MALRD1: variants seen among roughly 807,000 people sequenced by gnomAD.
MALRD1 encodes MAM and LDL-receptor class A domain-containing protein 1.
A neutral mutation model predicts 242.1 loss-of-function variants in MALRD1; 247 were observed. The observed-to-expected ratio is 1.02, with a 90% confidence interval of 0.92 to 1.13. The LOEUF (loss-of-function observed/expected upper bound fraction) is 1.13. Ranked by LOEUF, MALRD1 falls within the 50% of genes most tolerant of loss-of-function variation. MALRD1 has a pLI of 0.00. For synonymous variants in MALRD1, 995 were observed against 866.6 expected (o/e 1.15, Z -2.60); for missense variants, 2,989 against 2,533.1 (o/e 1.18, Z -3.86).
chr10:19,204,228 T>G, intron 15 of MALRD1, 80 bp from the exon 16 acceptor site: 1 of 885,424 alleles, frequency 1.1e-6, no homozygotes, highest in Non-Finnish European at 1.7e-6. Context: ...TCTTGCTCAG[T>G]GTAGGGTTAA....
intron 31 of MALRD1, among the ~76,000 whole-genome samples, chr10:19,523,574 T>C (rs191467970): frequency 6.6e-6 from 1 of 152,334 alleles, no homozygotes; most frequent in East Asian, 1.9e-4. Flanking sequence ...CAAAGGCATC[T>C]TGACAAATAA....
At chr10:19,283,382 A>C (rs1044255703) in intron 21 of MALRD1, among the ~76,000 whole-genome samples, 2 of 152,212 alleles carry the variant, frequency 1.3e-5, no homozygotes, top group Admixed American at 6.5e-5. Context: ...ATTTCATAGA[A>C]ACCGGAGAAG....
chr10:19,164,797 C>G (rs1293246520), intron 12 of MALRD1, among the ~76,000 whole-genome samples: 1 of 152,078 alleles, frequency 6.6e-6, no homozygotes, highest in African/African-American at 2.4e-5. Flanking sequence ...TCTCTATTCT[C>G]TTCACTATGT....
chr10:19,056,808 G>A (rs1410801787), intron 1 of MALRD1, among the ~76,000 whole-genome samples: 1 of 152,082 alleles, frequency 6.6e-6, no homozygotes, highest in Non-Finnish European at 1.5e-5. Flanking sequence ...TAAGTATGAT[G>A]TTTGCTCCCT....
intron 21 of MALRD1, among the ~76,000 whole-genome samples, chr10:19,289,598 A>G (rs964345843): frequency 6.6e-6 from 1 of 152,092 alleles, no homozygotes; most frequent in African/African-American, 2.4e-5. Flanking sequence ...TTTTCTCTCT[A>G]GGCTCATTCC....
intron 4 of MALRD1, among the ~76,000 whole-genome samples, chr10:19,094,792 CTAAAG>C (rs1253523421): frequency 6.6e-6 from 1 of 152,172 alleles, no homozygotes; most frequent in Non-Finnish European, 1.5e-5. Flanking sequence ...TCTTTATTTT[CTAAAG>C]TAATTTAGAG....
chr10:19,585,768 C>G lies in MALRD1; in HGVS notation c.5681-9426C>G, dbSNP rs926204647. Among the ~76,000 whole-genome samples the G allele has an allele frequency of 4.2e-3, 642 of 152,064 alleles. 3 individuals carry two copies. Among genetic ancestry groups the G allele is most frequent in the African/African-American group, 0.014 (598 of 41,474 alleles). On this transcript the variant is annotated intron_variant, in intron 33 of 39. Transcript: ENST00000454679. ...TCTGTATTTCCTGAATCTGAATGTT[C>G]GCCTGCCTTGCTAGATTGGGGAAGT...
intron 2 of MALRD1, among the ~76,000 whole-genome samples, chr10:19,075,141 C>G (rs990455993): frequency 6.6e-6 from 1 of 152,024 alleles, no homozygotes; most frequent in African/African-American, 2.4e-5. Context: ...CTACTTTAGG[C>G]TTTACAGATT....
chr10:19,534,864 T>C (rs1393514304), intron 32 of MALRD1, among the ~76,000 whole-genome samples: 1 of 112,712 alleles, frequency 8.9e-6, no homozygotes, highest in Non-Finnish European at 1.8e-5. Flanking sequence ...ATTTTATTTA[T>C]AAAGTTTTTG....
intron 14 of MALRD1, among the ~76,000 whole-genome samples, chr10:19,186,919 A>G (rs1835760493): frequency 1.3e-5 from 2 of 152,124 alleles, no homozygotes; most frequent in South Asian, 2.1e-4. Flanking sequence ...TTCCCCACCT[A>G]ACACTAAGTG....
At chr10:19,552,719 A>G (rs1236413770) in intron 32 of MALRD1, among the ~76,000 whole-genome samples, 2 of 87,786 alleles carry the variant, frequency 2.3e-5, no homozygotes, top group Non-Finnish European at 5.9e-5. Context: ...TTTCAAAAGA[A>G]AAAAATTATT....
intron 18 of MALRD1, among the ~76,000 whole-genome samples, chr10:19,244,446 C>T (rs1013805436): frequency 6.6e-6 from 1 of 151,962 alleles, no homozygotes; most frequent in African/African-American, 2.4e-5. Flanking sequence ...TGGCACATGC[C>T]TGTGGTCCCA....
At chr10:19,207,999 A>G (rs778163028) in intron 17 of MALRD1, among the ~76,000 whole-genome samples, 23 of 152,148 alleles carry the variant, frequency 1.5e-4, no homozygotes, top group Non-Finnish European at 3.1e-4. Context: ...ACTATTTGTG[A>G]TGGTACAAGA....
chr10:19,447,948 T>G (rs1213139758), intron 28 of MALRD1, among the ~76,000 whole-genome samples: 1 of 152,180 alleles, frequency 6.6e-6, no homozygotes, highest in Non-Finnish European at 1.5e-5. Context: ...TGTTGTTGTT[T>G]TGTCAAGGAT....
chr10:19,374,081 A>G (rs1171382037), intron 26 of MALRD1, among the ~76,000 whole-genome samples: 2 of 152,248 alleles, frequency 1.3e-5, no homozygotes, highest in Non-Finnish European at 2.9e-5. Context: ...GTCTTTCCAA[A>G]GAAAGTTCAT....
At chr10:19,137,168 C>A (rs2131414768) in intron 10 of MALRD1, among the ~76,000 whole-genome samples, 1 of 152,050 alleles carries the variant, frequency 6.6e-6, no homozygotes, top group East Asian at 2.0e-4. Context: ...CCTCTCTAGT[C>A]AATCATCTTG....
chr10:19,197,820 C>A (rs1432199254), intron 14 of MALRD1, among the ~76,000 whole-genome samples: 2 of 152,198 alleles, frequency 1.3e-5, no homozygotes, highest in East Asian at 1.9e-4. Context: ...AATGTCCACA[C>A]CCCCCTGGCT....
intron 19 of MALRD1, among the ~76,000 whole-genome samples, chr10:19,266,327 A>G (rs527623550): frequency 6.6e-6 from 1 of 150,842 alleles, no homozygotes; most frequent in Admixed American, 6.6e-5. Context: ...TGATTTGATG[A>G]TTTTTCTGTA....
chr10:19,318,709 G>T (rs1280255832), intron 21 of MALRD1, among the ~76,000 whole-genome samples: 1 of 151,684 alleles, frequency 6.6e-6, no homozygotes, highest in Non-Finnish European at 1.5e-5. Context: ...CTGAAACAGT[G>T]ATCAACTTTT....
Sources: gnomAD v4.1 joint callset for allele counts (sites outside exome capture counted in the v4.1 genomes callset) on GRCh38, gnomAD v4.1.1 for gene constraint, MANE v1.5 for transcripts, NCBI Gene and HGNC (gene_info 2026-07-23, HGNC 2026-07-21) for gene names.